The following USP48 variants were observed in gnomAD, a reference collection of about 807,000 sequenced individuals.
USP48 encodes the protein ubiquitin specific peptidase 48, also known as ubiquitin carboxyl-terminal hydrolase 48.
USP48 carries 43 observed loss-of-function variants against 150.7 expected under a neutral mutation model. The ratio of observed to expected loss-of-function variants is 0.29; its 90% confidence interval spans 0.22 to 0.37. The LOEUF is 0.37. USP48 is among the 10% of genes least tolerant of loss of function. The probability of loss-of-function intolerance (pLI) is 1.00; values close to 1 mark genes in which losing one functional copy is unlikely to be tolerated. For synonymous variants in USP48, 396 were observed against 425.9 expected (o/e 0.93, Z 0.86); for missense variants, 813 against 1,249.6 (o/e 0.65, Z 5.27).
At chr1:21,740,280 A>C (rs1254983042) in intron 8 of USP48, among the ~76,000 whole-genome samples, 1 of 152,250 alleles carries the variant, frequency 6.6e-6, no homozygotes, top group Non-Finnish European at 1.5e-5. Context: ...CCATGTGATC[A>C]CACATGATAG....
rs138966426 is a variant in USP48 at position 21,696,505 on chromosome 1, T to G, written c.2728-1284A>C. Among the ~76,000 whole-genome samples the G allele has an allele frequency of 2.5e-3, 387 of 152,306 alleles. 2 individuals carry two copies. The highest frequency in any genetic ancestry group is 8.8e-3 in the African/African-American group (366 of 41,570). ...GAGTAACTGTTCCAAATTCTAAGTC[T>G]AAAGTGATACAAACAACACATATCC... On this transcript the variant is annotated intron_variant, in intron 22 of 26. Transcript: ENST00000308271.
chr1:21,752,947 G>C (rs2097820373), intron 4 of USP48, 45 bp downstream of exon 4: 2 of 1,536,006 alleles, frequency 1.3e-6, no homozygotes, highest in Admixed American at 2.5e-5. Flanking sequence ...TAGGATGTTT[G>C]GGTACCTCTG....
intron 1 of USP48, among the ~76,000 whole-genome samples, chr1:21,781,069 T>A (rs1029771400): frequency 1.6e-4 from 24 of 150,620 alleles, no homozygotes; most frequent in East Asian, 3.9e-4. Flanking sequence ...ATTTTTATTT[T>A]AAAAATTTAT....
chr1:21,680,799 G>A lies in USP48; in HGVS notation c.3085+9C>T. ...CATTCATGAACAAAACATGACAAATGTAACTTACCTTTAAACCCTTCTTCT... is the reference window on the plus strand; with the variant it reads ...CATTCATGAACAAAACATGACAAATATAACTTACCTTTAAACCCTTCTTCT... On this transcript the variant is annotated intron_variant, in intron 26 of 26. Coordinates refer to ENST00000308271, the MANE Select transcript of USP48 (RefSeq NM_032236.8). The A allele has an allele frequency of 6.3e-7, 1 of 1,585,726 alleles. No individual in the cohort carries two copies. Among genetic ancestry groups the A allele is most frequent in the Non-Finnish European group, 8.5e-7 (1 of 1,171,348 alleles).
chr1:21,702,821 C>A lies in USP48; in HGVS notation c.2622+691G>T, dbSNP rs1398274839. 3.9e-5 allele frequency among the ~76,000 whole-genome samples: 6 copies of A among 152,192 alleles called. No homozygotes were observed. In the South Asian group the frequency reaches 1.0e-3, roughly 26 times the overall value. On this transcript the variant is annotated intron_variant, in intron 21 of 26. Transcript: ENST00000308271. ...CAACTAAAACTAAATTCCTCAGTCA[C>A]GCTAGCCACATCGAATGCTCCACAG...
intron 23 of USP48, among the ~76,000 whole-genome samples, chr1:21,692,176 C>T (rs1006672495): frequency 2.0e-5 from 3 of 152,224 alleles, no homozygotes; most frequent in South Asian, 2.1e-4. Flanking sequence ...AGAACATCAG[C>T]GCCTGAAAAG....
intron 9 of USP48, among the ~76,000 whole-genome samples, chr1:21,733,048 A>G (rs1420500101): frequency 1.3e-5 from 2 of 152,208 alleles, no homozygotes; most frequent in Non-Finnish European, 2.9e-5. Flanking sequence ...TTGGAAGATC[A>G]CTGTACTGTC....
chr1:21,772,873 G>A (rs1224402539), intron 1 of USP48, among the ~76,000 whole-genome samples: 21 of 149,134 alleles, frequency 1.4e-4, no homozygotes, highest in African/African-American at 4.5e-4. Context: ...AGTGAGCTGA[G>A]ATCACACCAC....
chr1:21,687,647 T>C (rs895714368), intron 24 of USP48, among the ~76,000 whole-genome samples: 4 of 152,202 alleles, frequency 2.6e-5, no homozygotes, highest in African/African-American at 7.2e-5. Flanking sequence ...TAGGTTAAAA[T>C]TATACTTTTG....
chr1:21,736,716 AC>A, intron 8 of USP48, 91 bp from the exon 9 acceptor site: 1 of 1,144,552 alleles, frequency 8.7e-7, no homozygotes, highest in Non-Finnish European at 1.2e-6. Context: ...GAATCTTTAC[AC>A]ATGTGGTATA....
chr1:21,769,770 G>A (rs1422992575), intron 1 of USP48, among the ~76,000 whole-genome samples: 1 of 152,042 alleles, frequency 6.6e-6, no homozygotes, highest in Non-Finnish European at 1.5e-5. Flanking sequence ...TCAGCTACTG[G>A]GGAAGCTGAA....
chr1:21,717,672 T>TCA (rs2097708562), intron 14 of USP48, among the ~76,000 whole-genome samples: 2 of 152,148 alleles, frequency 1.3e-5, no homozygotes, highest in African/African-American at 2.4e-5. Context: ...AAAACTGATG[T>TCA]GACTGCCGGG....
intron 1 of USP48, among the ~76,000 whole-genome samples, chr1:21,782,201 TAAGGA>T (rs2097916340): frequency 6.6e-6 from 1 of 152,060 alleles, no homozygotes. Flanking sequence ...ATGAGGGGGT[TAAGGA>T]AAGGTAAAGT....
At chr1:21,779,499 T>C (rs1200203510) in intron 1 of USP48, among the ~76,000 whole-genome samples, 2 of 151,794 alleles carry the variant, frequency 1.3e-5, no homozygotes, top group African/African-American at 2.4e-5. Flanking sequence ...TGAGCCGAGA[T>C]GGCGCCACTG....
At chr1:21,740,441 T>C (rs545319900) in intron 8 of USP48, among the ~76,000 whole-genome samples, 2 of 152,350 alleles carry the variant, frequency 1.3e-5, no homozygotes, top group African/African-American at 2.4e-5. Context: ...CTTATACTTA[T>C]ATTTTGGGAC....
chr1:21,708,901 A>AT (rs2097681960), intron 15 of USP48, among the ~76,000 whole-genome samples: 1 of 59,730 alleles, frequency 1.7e-5, no homozygotes, highest in Non-Finnish European at 5.0e-5. Flanking sequence ...AAAAAAAAAA[A>AT]AGAAAGAAAA....
At chr1:21,702,777 T>C (rs1049048727) in intron 21 of USP48, among the ~76,000 whole-genome samples, 1 of 152,232 alleles carries the variant, frequency 6.6e-6, no homozygotes, top group Non-Finnish European at 1.5e-5. Context: ...TAGCCACATG[T>C]AGCTATTTAA....
chr1:21,745,303 T>C (rs2097792002), intron 8 of USP48, among the ~76,000 whole-genome samples: 1 of 152,056 alleles, frequency 6.6e-6, no homozygotes, highest in Non-Finnish European at 1.5e-5. Context: ...ATTTATTCAT[T>C]CATTTATTTA....
chr1:21,782,618 C>G (rs568949821), intron 1 of USP48, among the ~76,000 whole-genome samples: 12 of 152,376 alleles, frequency 7.9e-5, no homozygotes, highest in African/African-American at 2.6e-4. Context: ...TCCTAAAGTG[C>G]TTTGGCCAGC....
Sources: gnomAD v4.1 joint callset for allele counts (sites outside exome capture counted in the v4.1 genomes callset) on GRCh38, gnomAD v4.1.1 for gene constraint, MANE v1.5 for transcripts, NCBI Gene and HGNC (gene_info 2026-07-23, HGNC 2026-07-21) for gene names.